Variants in CTSB observed in about 807,000 individuals in gnomAD.
CTSB encodes the protein cathepsin B.
A neutral mutation model predicts 44.3 loss-of-function variants in CTSB; 57 were observed. The ratio of observed to expected loss-of-function variants is 1.29; its 90% CI spans 1.04 to 1.60. The LOEUF is 1.60. Among genes scored for constraint, CTSB ranks in the 40% most tolerant of loss-of-function variants. The probability of loss-of-function intolerance (pLI) is 0.00; values close to 1 mark genes in which losing one functional copy is unlikely to be tolerated. For synonymous variants in CTSB, 320 were observed against 168.0 expected (o/e 1.91, Z -7.00); for missense variants, 768 against 443.0 (o/e 1.73, Z -6.59).
At position 11,844,709 on chromosome 8, in the gene CTSB, T is replaced by G; in HGVS notation, c.*416A>C. 6.0e-6 allele frequency: 1 copy of G among 168,006 alleles called. No homozygotes were observed. The highest frequency in any genetic ancestry group is 1.3e-5 in the Non-Finnish European group (1 of 77,584). The allele number at this position is 168,006 out of a possible 1,614,324, so 10.4% of individuals were successfully genotyped here. A position where few individuals can be genotyped will look rare whatever the true frequency, so the allele number is the denominator to read the frequency against. ...CTCCCAACACCGTCTCTCCTCTGAT[T>G]TCTGTGACAAATGTGGAAAGCTACT... On this transcript the variant is annotated 3_prime_UTR_variant, in exon 10 of 10. Coordinates refer to ENST00000353047, the MANE Select transcript of CTSB (RefSeq NM_001908.5).
chr8:11,845,651 A>G lies in CTSB; in HGVS notation c.922+10T>C. On this transcript the variant is annotated intron_variant, in intron 9 of 9. Transcript: ENST00000353047. The stretch of plus-strand genomic sequence containing the variant: ...TCACTGTTCTTGGCAGGAAGGGGGC[A>G]GCCACTCACCATTGTCACCCCAGTC... 1.2e-6 allele frequency: 2 copies of G among 1,611,566 alleles called. No homozygotes were observed. Among genetic ancestry groups the G allele is most frequent in the South Asian group, 1.1e-5 (1 of 90,932 alleles).
chr8:11,852,722 A>AG (rs1235038581), intron 2 of CTSB, 27 bp from the exon 3 acceptor site: 1 of 1,606,876 alleles, frequency 6.2e-7, no homozygotes, highest in Non-Finnish European at 8.5e-7. Context: ...CACTGACTGA[A>AG]GGGTCTCCCG....
chr8:11,847,012 C>G, intron 8 of CTSB, 40 bp downstream of exon 8: 2 of 999,338 alleles, frequency 2.0e-6, no homozygotes, highest in South Asian at 1.3e-5. Context: ...GCTCCCCTCC[C>G]GACCCCCACC....
At chr8:11,846,631 A>G (rs1431539693) in intron 8 of CTSB, among the ~76,000 whole-genome samples, 1 of 152,238 alleles carries the variant, frequency 6.6e-6, no homozygotes, top group East Asian at 1.9e-4. Flanking sequence ...GCAAAGAGAA[A>G]GATGAAGAAA....
At chr8:11,855,137 C>G (rs1815299287) in intron 1 of CTSB, among the ~76,000 whole-genome samples, 1 of 152,160 alleles carries the variant, frequency 6.6e-6, no homozygotes, top group Admixed American at 6.5e-5. Flanking sequence ...ATTCTCCTAC[C>G]TCAGCTTCCC....
intron 1 of CTSB, among the ~76,000 whole-genome samples, chr8:11,866,602 G>C (rs1586218521): frequency 6.6e-6 from 1 of 152,194 alleles, no homozygotes. Flanking sequence ...TTCTTGGCCA[G>C]GCACCGTGAC....
Position 11,848,136 on chromosome 8 carries a change from G to C in CTSB, c.463C>G (p.Pro155Ala). 3 of 1,614,104 alleles carry C rather than the reference G, an allele frequency of 1.9e-6. No individual in the cohort carries two copies. The highest frequency in any genetic ancestry group is 2.5e-6 in the Non-Finnish European group (3 of 1,179,950). ...MCGDGCNGGY[P>A]AEAWNFWTRK... Reference sequence around the variant, plus strand: ...GTCCAGAAGTTCCAAGCTTCAGCAGGATAGCCACCATTACAGCTGAAAAGA... The same window carrying C: ...GTCCAGAAGTTCCAAGCTTCAGCAGCATAGCCACCATTACAGCTGAAAAGA... The change falls in exon 6 of 10, where the codon CCT becomes GCT. Residue 155 changes from proline to alanine, a missense_variant. By Grantham distance (27) the Pro-to-Ala change is conservative. Transcript: ENST00000353047.
intron 9 of CTSB, 66 bp downstream of exon 9, chr8:11,845,595 G>A: frequency 6.4e-7 from 1 of 1,568,702 alleles, no homozygotes; most frequent in Non-Finnish European, 8.7e-7. Flanking sequence ...AACAGAGAAA[G>A]CCGAGATGGC....
At position 11,845,741 on chromosome 8, in the gene CTSB, C is replaced by T. The variant is rs1342365560; in HGVS notation, c.842G>A (p.Arg281His). ...TGEMMGGHAI[R>H]ILGWGVENGT... ...ATTCTCCACTCCCCAGCCCAGGATG[C>T]GGATGGCATGGCCACCCATCATCTC... The change falls in exon 9 of 10, where the codon CGC (arginine) becomes CAC (histidine). Residue 281 changes from arginine (R) to histidine (H), a missense_variant. Coordinates refer to ENST00000353047, the MANE Select transcript of CTSB (RefSeq NM_001908.5). 9.3e-6 allele frequency: 15 copies of T among 1,613,852 alleles called. No individual in the cohort carries two copies. The highest frequency in any genetic ancestry group is 4.4e-5 in the South Asian group (4 of 91,070).
intron 2 of CTSB, among the ~76,000 whole-genome samples, chr8:11,853,118 C>G (rs1814898571): frequency 6.6e-6 from 1 of 152,102 alleles, no homozygotes; most frequent in Non-Finnish European, 1.5e-5. Flanking sequence ...TATTCATACA[C>G]ATGCACACAC....
Position 11,847,688 on chromosome 8 carries a change from T to C in CTSB, c.667A>G (p.Lys223Glu), listed in dbSNP as rs764472709. ...PGYSPTYKQD[K>E]HYGYNSYSVS... ...GCCCCAGGCCCCTTACCGTAGTGCT[T>C]GTCCTGTTTGTAGGTCGGGCTGTAG... The change falls in exon 7 of 10, where the codon AAG becomes GAG. Residue 223 changes from lysine to glutamate, a missense_variant. Physicochemically the swap from Lys to Glu is moderately conservative, Grantham distance 56 (BLOSUM62 1). Transcript: ENST00000353047. The C allele has an allele frequency of 6.4e-7, 1 of 1,567,148 alleles. No individual in the cohort carries two copies. Among genetic ancestry groups the C allele is most frequent in the South Asian group, 1.2e-5 (1 of 83,538 alleles).
At chr8:11,845,934 G>T (rs1209048291) in intron 8 of CTSB, 145 bp from the exon 9 acceptor site, 5 of 907,344 alleles carry the variant, frequency 5.5e-6, no homozygotes, top group South Asian at 2.2e-5. Flanking sequence ...CTCCAGGGGG[G>T]GTCCCACAAT....
chr8:11,845,622 C>G, intron 9 of CTSB, 39 bp downstream of exon 9: 1 of 1,600,752 alleles, frequency 6.2e-7, no homozygotes, highest in Non-Finnish European at 8.5e-7. Flanking sequence ...GTGTGGCTCA[C>G]AATTCACTGT....
At chr8:11,855,508 T>C (rs977907380) in intron 1 of CTSB, among the ~76,000 whole-genome samples, 1 of 152,084 alleles carries the variant, frequency 6.6e-6, no homozygotes, top group Non-Finnish European at 1.5e-5. Context: ...AATAAAGTTT[T>C]TTAAAAAGGT....
chr8:11,848,048 G>A lies in CTSB; in HGVS notation c.532+19C>T. 6.3e-7 allele frequency: 1 copy of A among 1,586,640 alleles called. No individual in the cohort carries two copies. Among genetic ancestry groups the A allele is most frequent in the South Asian group, 1.1e-5 (1 of 89,608 alleles). On this transcript the variant is annotated intron_variant, in intron 6 of 9. Transcript: ENST00000353047. ...AAACAATCCATCTGGCCAGAAAGTG[G>A]CCAAGGGGACACACTTACCTACATG...
chr8:11,846,380 T>C (rs1813344515), intron 8 of CTSB: 1 of 152,328 alleles, frequency 6.6e-6, no homozygotes, highest in Non-Finnish European at 1.5e-5. Flanking sequence ...TCACAGAAAC[T>C]TTTTCTTGCC....
rs146796651 is a variant in CTSB at position 11,862,289 on chromosome 8, C to A, written c.-26+5712G>T. ...TCCCTTGGGGCCCTGGGAACAGATA[C>A]CCATCTCGCAAGGCTGATGGAAGAT... On this transcript the variant is annotated intron_variant, in intron 1 of 9. Coordinates refer to ENST00000353047, the MANE Select transcript of CTSB (RefSeq NM_001908.5). 5.6e-3 allele frequency: 853 copies of A among 152,054 alleles called. 3 individuals carry two copies. Among genetic ancestry groups the A allele is most frequent in the Admixed American group, 0.011 (168 of 15,276 alleles). The allele number at this position is 152,054 out of a possible 1,614,324, so 9.4% of individuals were successfully genotyped here. A position where few individuals can be genotyped will look rare whatever the true frequency, so the allele number is the denominator to read the frequency against.
chr8:11,845,584 G>C (rs1238741595), intron 9 of CTSB, 77 bp downstream of exon 9: 3 of 1,545,128 alleles, frequency 1.9e-6, no homozygotes, highest in Non-Finnish European at 2.6e-6. Flanking sequence ...GCGGTGGGTA[G>C]AACAGAGAAA....
chr8:11,857,459 G>T (rs1239016043), intron 1 of CTSB, among the ~76,000 whole-genome samples: 2 of 152,172 alleles, frequency 1.3e-5, no homozygotes, highest in Non-Finnish European at 2.9e-5. Context: ...AGTGTCCTTG[G>T]ATGTACCCGG....
Sources: allele counts gnomAD v4.1 joint callset (sites outside exome capture counted in the v4.1 genomes callset), GRCh38; gene constraint gnomAD v4.1.1; transcripts MANE v1.5; gene names NCBI Gene and HGNC (gene_info 2026-07-23, HGNC 2026-07-21).